Variants in LYG2 observed in about 807,000 individuals in gnomAD.
LYG2 encodes the protein lysozyme g-like protein 2.
A neutral mutation model predicts 22.4 loss-of-function variants in LYG2; 25 were observed. The observed-to-expected ratio is 1.12, with a 90% CI of 0.81 to 1.56. LYG2 has a LOEUF of 1.56. Among genes scored for constraint, LYG2 ranks in the 40% most tolerant of loss-of-function variants. The pLI, the probability that LYG2 is intolerant of heterozygous loss-of-function variation, is 0.00. For synonymous variants in LYG2, 88 were observed against 97.0 expected (o/e 0.91, Z 0.55); for missense variants, 266 against 269.5 (o/e 0.99, Z 0.09).
At chr2:99,258,037 T>A (rs188349294), upstream of LYG2, among the ~76,000 whole-genome samples, 382 of 152,306 alleles carry the variant, frequency 2.5e-3, 2 homozygotes, top group Non-Finnish European at 2.7e-3. Context: ...ATCCAGCACC[T>A]CAGGCTCCCT....
In LYG2 at chr2:99,254,249, G is replaced by T. The variant is rs746920594; in HGVS notation, c.12C>A (p.Ser4=). 1 of 1,613,952 alleles carries T rather than the reference G, an allele frequency of 6.2e-7. No individual in the cohort carries two copies. The highest frequency in any genetic ancestry group is 1.1e-5 in the South Asian group (1 of 91,066). Residue 4 remains serine, a synonymous_variant, in exon 3 of 7, where the codon TCC becomes TCA. Coordinates refer to ENST00000333017, the MANE Select transcript of LYG2 (RefSeq NM_175735.4). MLS[S]VVFWGLIALI... Reference sequence around the variant, plus strand: ...GGGCAATTAGTCCCCAAAACACCACGGAGGATAACATGGCGGGGAATCTTA... The same window carrying T: ...GGGCAATTAGTCCCCAAAACACCACTGAGGATAACATGGCGGGGAATCTTA...
upstream of LYG2, among the ~76,000 whole-genome samples, chr2:99,255,947 C>G (rs1204503658): frequency 6.6e-6 from 1 of 152,138 alleles, no homozygotes. Context: ...GCCCCAGGAA[C>G]AGGAAATGGA....
intron 6 of LYG2, chr2:99,243,421 T>C: frequency 5.8e-6 from 9 of 1,549,878 alleles, no homozygotes; most frequent in Non-Finnish European, 7.8e-6. Context: ...CAGAGTAACA[T>C]TGTTCAGACA....
At chr2:99,247,884 A>G (rs2094019062) in intron 3 of LYG2, among the ~76,000 whole-genome samples, 1 of 152,074 alleles carries the variant, frequency 6.6e-6, no homozygotes, top group African/African-American at 2.4e-5. Flanking sequence ...CAAATTTACA[A>G]GAAAAAAACA....
chr2:99,255,684 C>G (rs928337207), upstream of LYG2, among the ~76,000 whole-genome samples: 37 of 152,054 alleles, frequency 2.4e-4, no homozygotes, highest in Non-Finnish European at 3.2e-4. Context: ...GATCTCAAAC[C>G]ACTATGTCAC....
intron 3 of LYG2, among the ~76,000 whole-genome samples, chr2:99,253,670 G>T (rs994302010): frequency 2.9e-4 from 44 of 151,590 alleles, no homozygotes; most frequent in African/African-American, 8.5e-4. Flanking sequence ...ATTCATTTCT[G>T]CCTCTGCTTT....
chr2:99,261,403 T>C, the LYG2 span, among the ~76,000 whole-genome samples: 1 of 152,174 alleles, frequency 6.6e-6, no homozygotes, highest in Non-Finnish European at 1.5e-5. Context: ...AACAGTAGCA[T>C]ACAAGCTTCA....
At chr2:99,255,772 T>A (rs1013982929), upstream of LYG2, among the ~76,000 whole-genome samples, 1 of 152,180 alleles carries the variant, frequency 6.6e-6, no homozygotes, top group Non-Finnish European at 1.5e-5. Flanking sequence ...CCACCTGCTC[T>A]AGGAGATCAA....
intron 6 of LYG2, among the ~76,000 whole-genome samples, chr2:99,243,139 A>G (rs1313404896): frequency 2.0e-5 from 3 of 152,196 alleles, no homozygotes; most frequent in Non-Finnish European, 2.9e-5. Context: ...ACATTGGCCA[A>G]TAGGAGGCAA....
At chr2:99,243,718 T>TG (rs2094010701) in intron 6 of LYG2, 3 of 435,630 alleles carry the variant, frequency 6.9e-6, no homozygotes, top group Non-Finnish European at 1.2e-5. Context: ...TTTTTTTTTT[T>TG]GTAGAGACAG....
chr2:99,259,193 G>C (rs914726490), upstream of LYG2, among the ~76,000 whole-genome samples: 1 of 130,778 alleles, frequency 7.6e-6, no homozygotes, highest in East Asian at 2.4e-4. Flanking sequence ...TTTATTTCTA[G>C]TTATTTACCC....
intron 3 of LYG2, among the ~76,000 whole-genome samples, chr2:99,252,909 T>A (rs567375215): frequency 2.6e-5 from 4 of 151,818 alleles, no homozygotes; most frequent in South Asian, 2.1e-4. Flanking sequence ...TAGCTGGGCA[T>A]GATGGTGGGC....
At chr2:99,257,290 C>T (rs978574343), upstream of LYG2, among the ~76,000 whole-genome samples, 3 of 152,164 alleles carry the variant, frequency 2.0e-5, no homozygotes, top group African/African-American at 7.2e-5. Flanking sequence ...TATATTTTCT[C>T]CACCAGTAAT....
intron 3 of LYG2, among the ~76,000 whole-genome samples, chr2:99,250,520 G>A (rs886076260): frequency 1.3e-4 from 20 of 151,926 alleles, no homozygotes; most frequent in South Asian, 1.2e-3. Flanking sequence ...GACTACAGGC[G>A]CCTGCCATCA....
At chr2:99,246,403 C>G (rs544125525) in intron 4 of LYG2, among the ~76,000 whole-genome samples, 2 of 152,096 alleles carry the variant, frequency 1.3e-5, no homozygotes, top group African/African-American at 4.8e-5. Context: ...CACAGCAGCA[C>G]CACCCAAAAA....
upstream of LYG2, among the ~76,000 whole-genome samples, chr2:99,259,685 T>C (rs1174602988): frequency 6.6e-6 from 1 of 152,216 alleles, no homozygotes; most frequent in Non-Finnish European, 1.5e-5. Flanking sequence ...TACATAACTA[T>C]AGTACATGTC....
rs754973896 is a variant in LYG2, at chr2:99,244,116, G to C, written c.403C>G (p.Pro135Ala). 6.2e-7 allele frequency: 1 copy of C among 1,613,610 alleles called. No individual in the cohort carries two copies. The highest frequency in any genetic ancestry group is 2.2e-5 in the East Asian group (1 of 44,860). ...LMQLDKQTYH[P>A]VGAWDSKEHL... is the part of the protein sequence containing the mutation. ...TCTTTGCTATCCCAGGCACCGACAG[G>C]GTGGTACGTTTGTTTATCAAGCTAG... The change falls in exon 6 of 7, where the codon CCT becomes GCT. Residue 135 changes from proline to alanine, a missense_variant. Transcript: ENST00000333017.
At position 99,246,002 on chromosome 2, in the gene LYG2, G is replaced by A. The variant is rs537010347; in HGVS notation, c.185-544C>T. Among the ~76,000 whole-genome samples the A allele has an allele frequency of 2.4e-4, 36 of 152,260 alleles. No homozygotes were observed. The East Asian group carries it at 6.0e-3, about 25-fold the overall frequency. Reference sequence around the variant, plus strand: ...AGGCACCTGTAACCCCAGCTACTCAGGAGACTGAGGCAGGAGAATCGCTTG... The same window carrying A: ...AGGCACCTGTAACCCCAGCTACTCAAGAGACTGAGGCAGGAGAATCGCTTG... On this transcript the variant is annotated intron_variant, in intron 4 of 6. Transcript: ENST00000333017.
intron 6 of LYG2, chr2:99,243,375 T>C: frequency 2.6e-6 from 4 of 1,520,132 alleles, no homozygotes; most frequent in Non-Finnish European, 3.6e-6. Context: ...AGATTTCCAC[T>C]TGGATATATA....
Sources: gnomAD v4.1 joint callset for allele counts (sites outside exome capture counted in the v4.1 genomes callset) on GRCh38, gnomAD v4.1.1 for gene constraint, MANE v1.5 for transcripts, NCBI Gene and HGNC (gene_info 2026-07-23, HGNC 2026-07-21) for gene names.